Variants in EYS observed in about 807,000 individuals in gnomAD.
EYS encodes protein eyes shut homolog.
Under a neutral mutation model 282.1 loss-of-function variants are expected in EYS, and 250 were observed. The observed-to-expected ratio is 0.89, with a 90% CI of 0.80 to 0.98. The LOEUF is 0.98. Ranked by LOEUF, EYS falls within the 50% of genes least tolerant of loss-of-function variation. EYS has a pLI of 0.00. For missense variants in EYS, 4,016 were observed against 3,709.0 expected (o/e 1.08, Z -2.15); for synonymous variants, 1,355 against 1,282.9 (o/e 1.06, Z -1.20).
chr6:64,157,608 G>C (rs1360064794), intron 31 of EYS, among the ~76,000 whole-genome samples: 1 of 152,168 alleles, frequency 6.6e-6, no homozygotes, highest in African/African-American at 2.4e-5. Context: ...TTGGTGCCCT[G>C]CATCCCAATT....
At chr6:65,465,077 C>A (rs1054399005) in intron 5 of EYS, among the ~76,000 whole-genome samples, 1 of 152,004 alleles carries the variant, frequency 6.6e-6, no homozygotes, top group Non-Finnish European at 1.5e-5. Context: ...TAGTCTACTG[C>A]GTTAATAAGA....
chr6:64,924,482 T>A (rs1382558132), intron 15 of EYS, among the ~76,000 whole-genome samples: 1 of 152,204 alleles, frequency 6.6e-6, no homozygotes, highest in Non-Finnish European at 1.5e-5. Flanking sequence ...TCCTTGCTAC[T>A]TATGCAAATT....
chr6:65,660,940 TATG>T (rs549951426), intron 1 of EYS, among the ~76,000 whole-genome samples: 93 of 151,992 alleles, frequency 6.1e-4, no homozygotes, highest in Admixed American at 1.3e-3. Context: ...CAATGATTAT[TATG>T]ATAATGATGA....
chr6:64,324,627 G>A (rs1179651050), intron 29 of EYS, among the ~76,000 whole-genome samples: 1 of 152,082 alleles, frequency 6.6e-6, no homozygotes, highest in Non-Finnish European at 1.5e-5. Flanking sequence ...ACAGTAATCA[G>A]GCAACAGAAA....
chr6:65,110,714 A>G (rs769934434), intron 12 of EYS, among the ~76,000 whole-genome samples: 1 of 152,040 alleles, frequency 6.6e-6, no homozygotes, highest in Non-Finnish European at 1.5e-5. Context: ...ATGTTTTTCT[A>G]TGTGTTTGAC....
At chr6:63,759,828 TTA>T (rs755574756) in intron 41 of EYS, among the ~76,000 whole-genome samples, 1 of 152,052 alleles carries the variant, frequency 6.6e-6, no homozygotes, top group African/African-American at 2.4e-5. Flanking sequence ...AATTTCTCTA[TTA>T]TTAGGAAAAC....
chr6:65,411,265 C>A (rs975164184), intron 5 of EYS, among the ~76,000 whole-genome samples: 6 of 151,958 alleles, frequency 3.9e-5, no homozygotes, highest in Non-Finnish European at 8.8e-5. Flanking sequence ...CTTCCAGAAA[C>A]AAACAAAATT....
chr6:64,718,930 A>G (rs1012266806), intron 22 of EYS, among the ~76,000 whole-genome samples: 7 of 152,188 alleles, frequency 4.6e-5, no homozygotes, highest in African/African-American at 1.7e-4. Flanking sequence ...TGTAATTAAG[A>G]CTTTGGATAT....
At chr6:65,301,508 G>A (rs1467390960) in intron 11 of EYS, among the ~76,000 whole-genome samples, 1 of 152,200 alleles carries the variant, frequency 6.6e-6, no homozygotes, top group Non-Finnish European at 1.5e-5. Context: ...TGCTGCTGCT[G>A]GGAGGACGAC....
chr6:64,958,851 C>T (rs1769816568), intron 14 of EYS, among the ~76,000 whole-genome samples: 1 of 150,514 alleles, frequency 6.6e-6, no homozygotes, highest in Admixed American at 6.6e-5. Context: ...AATTTCTTGG[C>T]AATTGGTAAG....
intron 31 of EYS, among the ~76,000 whole-genome samples, chr6:64,114,400 A>G (rs1418734995): frequency 6.6e-6 from 1 of 152,112 alleles, no homozygotes; most frequent in African/African-American, 2.4e-5. Context: ...AGAGTAGAAG[A>G]CTCCAGGCTT....
intron 32 of EYS, among the ~76,000 whole-genome samples, chr6:64,071,472 A>G (rs1051152579): frequency 3.3e-5 from 5 of 151,522 alleles, no homozygotes; most frequent in African/African-American, 1.2e-4. Context: ...TGCCCCTTGA[A>G]TTGTTTCTTG....
At chr6:65,114,363 AAAG>A (rs1278230549) in intron 12 of EYS, among the ~76,000 whole-genome samples, 2 of 85,550 alleles carry the variant, frequency 2.3e-5, no homozygotes, top group African/African-American at 7.6e-5. Context: ...GAAAAAAAAA[AAAG>A]CAGCAGCAGC....
chr6:63,798,343 A>G (rs1770696276), intron 37 of EYS, among the ~76,000 whole-genome samples: 1 of 152,236 alleles, frequency 6.6e-6, no homozygotes, highest in Non-Finnish European at 1.5e-5. Flanking sequence ...CAATTTTGAC[A>G]TTATAGTACA....
intron 33 of EYS, among the ~76,000 whole-genome samples, chr6:64,050,259 T>C (rs1424667745): frequency 1.3e-5 from 2 of 152,178 alleles, no homozygotes; most frequent in Non-Finnish European, 2.9e-5. Flanking sequence ...GACTCTTTTA[T>C]TGAATCCCTC....
At chr6:63,969,920 C>A (rs902520057) in intron 35 of EYS, among the ~76,000 whole-genome samples, 3 of 152,198 alleles carry the variant, frequency 2.0e-5, no homozygotes, top group Non-Finnish European at 4.4e-5. Flanking sequence ...TGAGGACACT[C>A]ATGGGGTGAG....
chr6:64,977,108 G>C (rs1378415824), intron 14 of EYS, among the ~76,000 whole-genome samples: 1 of 151,824 alleles, frequency 6.6e-6, no homozygotes, highest in Non-Finnish European at 1.5e-5. Flanking sequence ...GGCTAGGCTG[G>C]TCTTGAACTC....
At chr6:65,065,361 G>A (rs1773712739) in intron 12 of EYS, among the ~76,000 whole-genome samples, 1 of 151,618 alleles carries the variant, frequency 6.6e-6, no homozygotes, top group African/African-American at 2.4e-5. Flanking sequence ...TTACTTAAAA[G>A]TGATTTGTCT....
chr6:65,527,627 A>G (rs1443560235), intron 2 of EYS, among the ~76,000 whole-genome samples: 1 of 152,242 alleles, frequency 6.6e-6, no homozygotes, highest in African/African-American at 2.4e-5. Flanking sequence ...ATCCAAAATG[A>G]TCTAGTTATT....
Sources: allele counts gnomAD v4.1 joint callset (sites outside exome capture counted in the v4.1 genomes callset), GRCh38; gene constraint gnomAD v4.1.1; transcripts MANE v1.5; gene names NCBI Gene and HGNC (gene_info 2026-07-23, HGNC 2026-07-21).